MAP7D1: variants seen among roughly 807,000 people sequenced by gnomAD.
MAP7D1 encodes the protein MAP7 domain-containing protein 1.
In MAP7D1, 30 loss-of-function variants were observed where a neutral mutation model predicts 97.5. The ratio of observed to expected loss-of-function variants is 0.31; its 90% CI spans 0.23 to 0.42. The LOEUF is 0.42. MAP7D1 is among the 10% of genes least tolerant of loss of function. MAP7D1 has a pLI of 1.00. For missense variants in MAP7D1, 1,184 were observed against 1,179.5 expected (o/e 1.00, Z -0.06); for synonymous variants, 536 against 477.1 (o/e 1.12, Z -1.61).
In MAP7D1 at chr1:36,178,217, G is replaced by C; in HGVS notation, c.1708+16G>C. 6.5e-7 allele frequency: 1 copy of C among 1,536,056 alleles called. No individual in the cohort carries two copies. ...ACCCCTACAGGTAGGAATGAAGAGA[G>C]GGGAGGGGTGGGCCGAGCGAGAGAA... On this transcript the variant is annotated intron_variant, in intron 9 of 16. Coordinates refer to ENST00000474796, the MANE Select transcript of MAP7D1 (RefSeq NM_001388490.1).
chr1:36,173,554 A>G, intron 5 of MAP7D1, 76 bp downstream of exon 5: 1 of 1,140,136 alleles, frequency 8.8e-7, no homozygotes, highest in Non-Finnish European at 1.3e-6. Context: ...CAACTTCCCT[A>G]CAAAAAGCTG....
At position 36,176,293 on chromosome 1, in the gene MAP7D1, C is replaced by T; in HGVS notation, c.945C>T (p.Val315=). ...TCCTTGCTCGGAGTCGCAGCGCGGT[C>T]ACACTGCCCCGCAACGGCCGGGACC... ...LSFLARSRSA[V]TLPRNGRDQG... Residue 315 remains valine, a synonymous_variant, in exon 7 of 17, where the codon GTC becomes GTT. Transcript: ENST00000474796. This position sits in a 1 kb window ranked among gnomAD's most constrained non-coding sequence, Gnocchi z 6.1. 6.3e-7 allele frequency: 1 copy of T among 1,589,786 alleles called. No individual in the cohort carries two copies. Among genetic ancestry groups the T allele is most frequent in the South Asian group, 1.1e-5 (1 of 88,312 alleles).
In MAP7D1 at chr1:36,172,509, C is replaced by CGCTGCGGGAGAAGCA. The variant is rs749329960; in HGVS notation, c.510_524dup (p.Arg171_Leu175dup). On this transcript the variant is annotated inframe_insertion, in exon 4 of 17. Coordinates refer to ENST00000474796, the MANE Select transcript of MAP7D1 (RefSeq NM_001388490.1). ...CTGGAGAAGGAGGAGAAGGCCAAGG[C>CGCTGCGGGAGAAGCA]GCTGCGGGAGAAGCAGCTCCAGGAG... is the stretch of plus-strand genomic sequence containing the variant. The CGCTGCGGGAGAAGCA allele has an allele frequency of 6.2e-7, 1 of 1,601,814 alleles. No homozygotes were observed. The highest frequency in any genetic ancestry group is 8.5e-7 in the Non-Finnish European group (1 of 1,171,522).
At position 36,179,269 on chromosome 1, in the gene MAP7D1, A is replaced by C. The variant is rs376469218; in HGVS notation, c.2138A>C (p.Glu713Ala). The part of the protein sequence containing the change: ...QERQERRKRL[E>A]EIMKRTRKSE... ...TCTGCGGCCTCCAAACAGCGTCTGG[A>C]GGAGATCATGAAGAGGACTCGGAAG... The change falls in exon 13 of 17, where the codon GAG (glutamate) becomes GCG (alanine). Residue 713 changes from glutamate to alanine, a missense_variant. Glu to Ala is a moderately radical substitution (Grantham distance 107). Coordinates refer to ENST00000474796, the MANE Select transcript of MAP7D1 (RefSeq NM_001388490.1). 8 of 1,613,820 alleles carry C rather than the reference A, an allele frequency of 5.0e-6. No homozygotes were observed. Among genetic ancestry groups the C allele is most frequent in the African/African-American group, 1.3e-5 (1 of 74,876 alleles).
At position 36,179,323 on chromosome 1, in the gene MAP7D1, T is replaced by A. The variant is rs1570170272; in HGVS notation, c.2184+8T>A. 1 of 1,613,890 alleles carries A rather than the reference T, an allele frequency of 6.2e-7. No individual in the cohort carries two copies. The highest frequency in any genetic ancestry group is 8.5e-7 in the Non-Finnish European group (1 of 1,179,906). On this transcript the variant is annotated splice_region_variant and intron_variant, in intron 13 of 16. Transcript: ENST00000474796. Reference sequence around the variant, plus strand: ...GAAGTTTCTGAAACCAAGGTCAGAATTCCCCCGAAGGGCAGTGCTGGGCGT... The same window carrying A: ...GAAGTTTCTGAAACCAAGGTCAGAAATCCCCCGAAGGGCAGTGCTGGGCGT...
At chr1:36,157,763 G>A (rs540881827) in intron 1 of MAP7D1, among the ~76,000 whole-genome samples, 2 of 152,308 alleles carry the variant, frequency 1.3e-5, no homozygotes, top group South Asian at 2.1e-4. Flanking sequence ...CTGTGGGTGG[G>A]CTCCTCCCCA....
intron 1 of MAP7D1, among the ~76,000 whole-genome samples, chr1:36,168,688 T>C (rs1046211093): frequency 3.9e-5 from 6 of 152,056 alleles, no homozygotes; most frequent in Non-Finnish European, 8.8e-5. Context: ...CCTAGCAAGC[T>C]GGATGGGAAG....
At chr1:36,171,651 G>T (rs759774225) in intron 3 of MAP7D1, 70 bp downstream of exon 3, 2 of 1,553,336 alleles carry the variant, frequency 1.3e-6, no homozygotes, top group Admixed American at 1.7e-5. Context: ...ACACCAACAG[G>T]CTGGGGCGCA....
chr1:36,180,267 G>A lies in MAP7D1; in HGVS notation c.*9G>A. ...CCCCAGAAGTCCTTTAAGAGGGTTT[G>A]CCTTGGATCCGGGCACAGTTGTGAG... On this transcript the variant is annotated 3_prime_UTR_variant, in exon 17 of 17. Coordinates refer to ENST00000474796, the MANE Select transcript of MAP7D1 (RefSeq NM_001388490.1). 2 of 1,614,214 alleles carry A rather than the reference G, an allele frequency of 1.2e-6. No homozygotes were observed. The highest frequency in any genetic ancestry group is 8.5e-7 in the Non-Finnish European group (1 of 1,180,034).
chr1:36,176,506 T>C lies in MAP7D1; in HGVS notation c.1158T>C (p.Gly386=). The change falls in exon 7 of 17, where the codon GGT becomes GGC. Residue 386 remains glycine, a synonymous_variant. Coordinates refer to ENST00000474796, the MANE Select transcript of MAP7D1 (RefSeq NM_001388490.1). The surrounding 1 kb of genome is among the most constrained non-coding windows in gnomAD (Gnocchi z 6.1). ...TRSVHRCAPA[G]ERGERRKPNA... is the part of the protein sequence containing the mutation. The stretch of plus-strand genomic sequence containing the variant: ...GCGTGCACCGCTGCGCCCCCGCCGG[T>C]GAGCGCGGGGAGCGCCGCAAGCCCA... The C allele has an allele frequency of 7.3e-7, 1 of 1,378,180 alleles. No homozygotes were observed. The highest frequency in any genetic ancestry group is 3.7e-5 in the Admixed American group (1 of 27,274). The allele number at this position is 1,378,180 out of a possible 1,614,324, so 85.4% of individuals were successfully genotyped here.
chr1:36,161,942 G>A (rs1416539164), intron 1 of MAP7D1, among the ~76,000 whole-genome samples: 1 of 151,174 alleles, frequency 6.6e-6, no homozygotes, highest in African/African-American at 2.4e-5. Context: ...CTTGTCTCTC[G>A]CCATTGTGCA....
Position 36,178,592 on chromosome 1 carries a change from G to C in MAP7D1, c.1882G>C (p.Asp628His). The C allele has an allele frequency of 6.3e-7, 1 of 1,579,958 alleles. No homozygotes were observed. The highest frequency in any genetic ancestry group is 8.6e-7 in the Non-Finnish European group (1 of 1,165,634). Residue 628 changes from aspartate (D) to histidine (H), a missense_variant, in exon 10 of 17, where the codon GAC becomes CAC. Asp to His is a moderately conservative substitution (Grantham distance 81). Coordinates refer to ENST00000474796, the MANE Select transcript of MAP7D1 (RefSeq NM_001388490.1). ...GGAGCGGAGGCTGCAGGCAGAAAGG[G>C]ACAAGTGAGTGCGCCTCGGGGACTG... is the stretch of plus-strand genomic sequence containing the variant. ...EQERRLQAER[D>H]KRMREEQLAR...
intron 1 of MAP7D1, among the ~76,000 whole-genome samples, chr1:36,160,075 A>G (rs1050372319): frequency 2.0e-5 from 3 of 152,204 alleles, no homozygotes; most frequent in African/African-American, 4.8e-5. Context: ...GCCATACTTG[A>G]GGGCCATCAG....
At position 36,156,334 on chromosome 1, in the gene MAP7D1, A is replaced by T; in HGVS notation, c.-84A>T. 8.2e-7 allele frequency: 1 copy of T among 1,218,374 alleles called. No homozygotes were observed. Among genetic ancestry groups the T allele is most frequent in the South Asian group, 1.6e-5 (1 of 61,842 alleles). 75.5% of individuals were successfully genotyped at this position (1,218,374 alleles called of 1,614,324 possible). Reference sequence around the variant, plus strand: ...GCCGGGCCGGGCCGGGCCGGGCGTGATGCGCCGCGGGACCCCTGTCCTGGC... The same window carrying T: ...GCCGGGCCGGGCCGGGCCGGGCGTGTTGCGCCGCGGGACCCCTGTCCTGGC... On this transcript the variant is annotated 5_prime_UTR_variant, in exon 1 of 17. An upstream start codon of the reference 5' UTR is lost. Transcript: ENST00000474796.
chr1:36,161,034 A>G (rs1570126471), intron 1 of MAP7D1, among the ~76,000 whole-genome samples: 1 of 152,216 alleles, frequency 6.6e-6, no homozygotes, highest in African/African-American at 2.4e-5. Context: ...GGATGGGGTC[A>G]TTTCCTGCCG....
chr1:36,179,141 T>C, intron 12 of MAP7D1, 116 bp downstream of exon 12: 3 of 1,482,830 alleles, frequency 2.0e-6, no homozygotes, highest in Non-Finnish European at 2.8e-6. Flanking sequence ...TTCCAGTTCC[T>C]GTCCTGGAGA....
chr1:36,156,677 A>T (rs1187390927), intron 1 of MAP7D1, among the ~76,000 whole-genome samples: 4 of 150,098 alleles, frequency 2.7e-5, no homozygotes, highest in Non-Finnish European at 1.5e-5. Context: ...TGCCGGACGC[A>T]TCGGGCGTCG....
In MAP7D1 at chr1:36,178,561, G is replaced by T; in HGVS notation, c.1851G>T (p.Glu617Asp). ...RRQAREQRER[E>D]EQERRLQAER... ...AGGCCCGGGAGCAGCGGGAGCGCGA[G>T]GAGCAGGAGCGGAGGCTGCAGGCAG... is the stretch of plus-strand genomic sequence containing the variant. The change falls in exon 10 of 17, where the codon GAG becomes GAT. Residue 617 changes from glutamate (E) to aspartate (D), a missense_variant. Physicochemically the swap from Glu to Asp is conservative, Grantham distance 45. Coordinates refer to ENST00000474796, the MANE Select transcript of MAP7D1 (RefSeq NM_001388490.1). 1 of 1,593,648 alleles carries T rather than the reference G, an allele frequency of 6.3e-7. No individual in the cohort carries two copies.
chr1:36,160,875 G>A (rs1040331278), intron 1 of MAP7D1, among the ~76,000 whole-genome samples: 114 of 152,366 alleles, frequency 7.5e-4, no homozygotes, highest in Middle Eastern at 3.4e-3. Flanking sequence ...CCAGGAGGAA[G>A]GCCCCGGACC....
Sources: allele counts gnomAD v4.1 joint callset (sites outside exome capture counted in the v4.1 genomes callset), GRCh38; gene constraint gnomAD v4.1.1; non-coding constraint Gnocchi (gnomAD v3.1); transcripts MANE v1.5; gene names NCBI Gene and HGNC (gene_info 2026-07-23, HGNC 2026-07-21).